Variants in USP8 observed in about 807,000 individuals in gnomAD.
USP8 encodes ubiquitin specific peptidase 8.
USP8 carries 27 observed loss-of-function variants against 130.0 expected under a neutral mutation model. The observed-to-expected ratio is 0.21, with a 90% confidence interval of 0.15 to 0.29. The LOEUF is 0.29. Ranked by LOEUF, USP8 falls within the 10% of genes least tolerant of loss-of-function variation. The pLI, the probability that USP8 is intolerant of heterozygous loss-of-function variation, is 1.00. For synonymous variants in USP8, 392 were observed against 444.1 expected, an observed-to-expected ratio of 0.88 and a Z score of 1.48; for missense variants, 1,029 against 1,312.2, an observed-to-expected ratio of 0.78 and a Z score of 3.33.
At chr15:50,496,112 A>T (rs1324934367) in intron 17 of USP8, 28 bp downstream of exon 17, 3 of 1,524,222 alleles carry the variant, frequency 2.0e-6, no homozygotes, top group East Asian at 4.5e-5. Flanking sequence ...AGAGAAAATG[A>T]TTTATTGGAT....
At chr15:50,471,444 T>C (rs1425171797) in intron 7 of USP8, among the ~76,000 whole-genome samples, 189 bp from the exon 8 acceptor site, 7 of 152,226 alleles carry the variant, frequency 4.6e-5, no homozygotes, top group African/African-American at 7.2e-5. Context: ...TCCAATATTA[T>C]ACAGTAGTGA....
intron 3 of USP8, among the ~76,000 whole-genome samples, chr15:50,444,224 C>T (rs960459257): frequency 6.6e-6 from 1 of 151,124 alleles, no homozygotes; most frequent in African/African-American, 2.4e-5. Flanking sequence ...CTGCTTCAGC[C>T]TCCCGAGTAG....
At chr15:50,480,987 C>G (rs1429354572) in intron 10 of USP8, among the ~76,000 whole-genome samples, 1 of 151,116 alleles carries the variant, frequency 6.6e-6, no homozygotes, top group Admixed American at 6.6e-5. Flanking sequence ...TATCATGGGA[C>G]TCAGGTTTTT....
At chr15:50,445,814 A>G (rs535233078) in intron 3 of USP8, among the ~76,000 whole-genome samples, 1 of 150,668 alleles carries the variant, frequency 6.6e-6, no homozygotes, top group South Asian at 2.1e-4. Context: ...CTGAGATTGC[A>G]CCACTGCACT....
At chr15:50,490,864 A>T (rs1485688209) in intron 14 of USP8, among the ~76,000 whole-genome samples, 1 of 152,176 alleles carries the variant, frequency 6.6e-6, no homozygotes, top group Non-Finnish European at 1.5e-5. Context: ...CATAATTTTC[A>T]GCAATATTGA....
chr15:50,495,482 TTGGA>T (rs1555392677), intron 16 of USP8, among the ~76,000 whole-genome samples: 9,422 of 104,858 alleles, frequency 0.09, 430 homozygotes, highest in African/African-American at 0.15. Flanking sequence ...TTAGTAGAGA[TTGGA>T]GGGGGGGGTC....
At chr15:50,477,208 A>G (rs2051595990) in intron 9 of USP8, 68 bp from the exon 10 acceptor site, 5 of 1,408,424 alleles carry the variant, frequency 3.6e-6, no homozygotes, top group Middle Eastern at 1.8e-4. Flanking sequence ...ATTAACACGC[A>G]TGAGAAATGT....
At chr15:50,434,659 A>G (rs1479567162) in intron 1 of USP8, among the ~76,000 whole-genome samples, 1 of 151,742 alleles carries the variant, frequency 6.6e-6, no homozygotes, top group African/African-American at 2.4e-5. Context: ...TGTGTCGCCC[A>G]GGTTGAAGTT....
Position 50,484,366 on chromosome 15 carries a change from G to T in USP8, c.1890+5G>T. 15 of 1,605,040 alleles carry T rather than the reference G, an allele frequency of 9.3e-6. No individual in the cohort carries two copies. Among genetic ancestry groups the T allele is most frequent in the Non-Finnish European group, 1.2e-5 (14 of 1,175,594 alleles). ...GACGATACCGAAAGAAATAAAGTAA[G>T]TAGTTTATTGCAGGAAAAAACTGGA... is the stretch of plus-strand genomic sequence containing the variant. On this transcript the variant is annotated splice_donor_5th_base_variant and intron_variant, in intron 12 of 19. Transcript: ENST00000307179.
At chr15:50,431,048 G>C (rs1462370342) in intron 1 of USP8, among the ~76,000 whole-genome samples, 1 of 152,148 alleles carries the variant, frequency 6.6e-6, no homozygotes, top group Admixed American at 6.5e-5. Flanking sequence ...CAAAATGTGA[G>C]TGATGGCAAG....
Position 50,500,774 on chromosome 15 carries a change from C to G in USP8, c.*1686C>G. On this transcript the variant is annotated 3_prime_UTR_variant, in exon 20 of 20. Coordinates refer to ENST00000307179, the MANE Select transcript of USP8 (RefSeq NM_005154.5). ...CGTGTGTTATCAAAGCTATATCAGGCCTGGGTGACTGAATTCTTGCAGAAA... is the reference window on the plus strand; with the variant it reads ...CGTGTGTTATCAAAGCTATATCAGGGCTGGGTGACTGAATTCTTGCAGAAA... 6.3e-7 allele frequency: 1 copy of G among 1,587,656 alleles called. No homozygotes were observed. Among genetic ancestry groups the G allele is most frequent in the Admixed American group, 1.8e-5 (1 of 55,758 alleles).
rs2052552108 is a variant in USP8, at chr15:50,499,992, A to ATCTTTACAGAGTGATGTATT, written c.*905_*924dup. ...CAAAGTGAACTGCATTATAAACTAC[A>ATCTTTACAGAGTGATGTATT]TCTTTACAGAGTGATGTATTAAGAG... On this transcript the variant is annotated 3_prime_UTR_variant, in exon 20 of 20. Transcript: ENST00000307179. 1 of 152,282 alleles carries ATCTTTACAGAGTGATGTATT rather than the reference A, an allele frequency of 6.6e-6. No individual in the cohort carries two copies. The highest frequency in any genetic ancestry group is 1.5e-5 in the Non-Finnish European group (1 of 68,014). The allele number at this position is 152,282 out of a possible 1,614,324, so 9.4% of individuals were successfully genotyped here. A position where few individuals can be genotyped will look rare whatever the true frequency, so the allele number is the denominator to read the frequency against.
chr15:50,485,610 A>G (rs1291482726), intron 12 of USP8, among the ~76,000 whole-genome samples: 5 of 120,552 alleles, frequency 4.1e-5, no homozygotes, highest in Non-Finnish European at 6.4e-5. Flanking sequence ...GAAACCATTA[A>G]TACAATCCAA....
intron 15 of USP8, chr15:50,493,762 C>A: frequency 2.2e-6 from 1 of 446,474 alleles, no homozygotes; most frequent in Non-Finnish European, 4.2e-6. Flanking sequence ...AAGAGTAAAG[C>A]CTTCTCTGAT....
intron 7 of USP8, chr15:50,466,729 C>G (rs1457924000): frequency 4.6e-6 from 1 of 216,102 alleles, no homozygotes; most frequent in Non-Finnish European, 9.4e-6. Flanking sequence ...CAGGAAGCCG[C>G]ACAGCAGCCG....
rs777094391 is a variant in USP8 at position 50,465,236 on chromosome 15, A to C, written c.686+45A>C. The C allele has an allele frequency of 3.2e-6, 5 of 1,578,554 alleles. No individual in the cohort carries two copies. The South Asian group carries it at 5.9e-5, about 19-fold the overall frequency. On this transcript the variant is annotated intron_variant, in intron 7 of 19. Coordinates refer to ENST00000307179, the MANE Select transcript of USP8 (RefSeq NM_005154.5). ...AGTAGTAAACTGTGTAGTAAGTAGT[A>C]AACTGTGGACCTTAGTAAATGTTAC...
chr15:50,426,509 T>C (rs1048555103), intron 1 of USP8, among the ~76,000 whole-genome samples: 2 of 152,314 alleles, frequency 1.3e-5, no homozygotes, highest in Middle Eastern at 3.4e-3. Flanking sequence ...TGTATTCAGA[T>C]AAGCAGCTGA....
intron 8 of USP8, among the ~76,000 whole-genome samples, chr15:50,472,466 G>A (rs1291265013): frequency 1.3e-5 from 2 of 151,408 alleles, no homozygotes; most frequent in African/African-American, 2.4e-5. Flanking sequence ...GCGCAGTGGC[G>A]GGGGCCTGTA....
At chr15:50,426,031 G>A (rs753817750) in intron 1 of USP8, among the ~76,000 whole-genome samples, 4 of 152,214 alleles carry the variant, frequency 2.6e-5, no homozygotes, top group Non-Finnish European at 5.9e-5. Flanking sequence ...TGAGGCAGGA[G>A]AATCGCTTGA....
Sources: allele counts gnomAD v4.1 joint callset (sites outside exome capture counted in the v4.1 genomes callset), GRCh38; gene constraint gnomAD v4.1.1; transcripts MANE v1.5; gene names NCBI Gene and HGNC (gene_info 2026-07-23, HGNC 2026-07-21).